AVL9: variants seen among roughly 807,000 people sequenced by gnomAD.
The protein encoded by AVL9 is AVL9 cell migration associated, also known as late secretory pathway protein AVL9 homolog.
In AVL9, 49 loss-of-function variants were observed where a neutral mutation model predicts 79.2. The ratio of observed to expected loss-of-function variants is 0.62; its 90% CI spans 0.49 to 0.79. The LOEUF is 0.79. Ranked by LOEUF, AVL9 falls within the 30% of genes least tolerant of loss-of-function variation. The pLI is 0.00. For missense variants in AVL9, 682 were observed against 776.8 expected (o/e 0.88, Z 1.45); for synonymous variants, 299 against 280.6 (o/e 1.07, Z -0.65).
chr7:32,583,698 T>G lies in AVL9; in HGVS notation c.1832-94T>G. The G allele has an allele frequency of 3.8e-6, 3 of 799,258 alleles. No homozygotes were observed. The South Asian group carries it at 6.0e-5, about 16-fold the overall frequency. The allele number at this position is 799,258 out of a possible 1,614,324, so 49.5% of individuals were successfully genotyped here. A position where few individuals can be genotyped will look rare whatever the true frequency, so the allele number is the denominator to read the frequency against. ...TGTCTCAAAAAACATTTTTTTAAAT[T>G]TTTAATTAAAAATGTATTAATTATG... On this transcript the variant is annotated intron_variant, in intron 15 of 15. Coordinates refer to ENST00000318709, the MANE Select transcript of AVL9 (RefSeq NM_015060.3).
At chr7:32,548,949 T>G in intron 4 of AVL9, 31 bp downstream of exon 4, 1 of 1,422,488 alleles carries the variant, frequency 7.0e-7, no homozygotes, top group Non-Finnish European at 9.5e-7. Flanking sequence ...TTCATTATGT[T>G]AAACCTTCAT....
intron 1 of AVL9, among the ~76,000 whole-genome samples, chr7:32,539,680 G>A (rs545332828): frequency 1.3e-5 from 2 of 152,246 alleles, no homozygotes; most frequent in Middle Eastern, 3.4e-3. Context: ...CACAAATGTA[G>A]TGCCTTAAAA....
chr7:32,534,193 ATTGTC>A (rs1788791874), intron 1 of AVL9: 2 of 152,090 alleles, frequency 1.3e-5, no homozygotes, highest in African/African-American at 4.8e-5. Flanking sequence ...GAAATCAGCT[ATTGTC>A]TTATTTTTCC....
At chr7:32,561,503 C>T (rs1379140728) in intron 10 of AVL9, among the ~76,000 whole-genome samples, 1 of 152,202 alleles carries the variant, frequency 6.6e-6, no homozygotes, top group Non-Finnish European at 1.5e-5. Context: ...GAGTTAAGGC[C>T]TTGCTCTAGA....
rs1446782467 is a variant in AVL9, at chr7:32,530,857, G to C, written c.94-12284G>C. ...TGTGGTCCTGGCTACTCAGGAGGCT[G>C]AGCCATGAAAATTGCTTGAACCCAG... On this transcript the variant is annotated intron_variant, in intron 1 of 15. Coordinates refer to ENST00000318709, the MANE Select transcript of AVL9 (RefSeq NM_015060.3). 2.0e-5 allele frequency among the ~76,000 whole-genome samples: 3 copies of C among 152,194 alleles called. No individual in the cohort carries two copies. The East Asian group carries it at 5.8e-4, about 29-fold the overall frequency.
At chr7:32,561,893 G>A (rs1790348116) in intron 10 of AVL9, among the ~76,000 whole-genome samples, 1 of 152,300 alleles carries the variant, frequency 6.6e-6, no homozygotes, top group African/African-American at 2.4e-5. Context: ...TTTAAATATT[G>A]CTGCATCTCA....
chr7:32,572,331 T>C (rs1790888504), intron 11 of AVL9, among the ~76,000 whole-genome samples: 1 of 151,370 alleles, frequency 6.6e-6, no homozygotes, highest in Admixed American at 6.6e-5. Flanking sequence ...TATATACATT[T>C]TCCAAGACAG....
chr7:32,546,571 C>T (rs1428685198), intron 3 of AVL9, among the ~76,000 whole-genome samples: 1 of 152,144 alleles, frequency 6.6e-6, no homozygotes, highest in Non-Finnish European at 1.5e-5. Context: ...ACCTGTAATC[C>T]TAGCACTTTG....
At chr7:32,507,827 C>G (rs10238940) in intron 1 of AVL9, among the ~76,000 whole-genome samples, 1 of 151,962 alleles carries the variant, frequency 6.6e-6, no homozygotes, top group Admixed American at 6.6e-5. Context: ...AATTGTTTTC[C>G]GAAACAGTGG....
At chr7:32,564,643 T>A (rs1790475484) in intron 10 of AVL9, among the ~76,000 whole-genome samples, 1 of 152,210 alleles carries the variant, frequency 6.6e-6, no homozygotes, top group South Asian at 2.1e-4. Context: ...TGCCTGAGGT[T>A]GATGCCTTTC....
intron 4 of AVL9, among the ~76,000 whole-genome samples, chr7:32,550,589 A>G (rs901290847): frequency 4.6e-5 from 7 of 152,334 alleles, no homozygotes; most frequent in Admixed American, 4.6e-4. Context: ...ATTAGAGTAT[A>G]TATACATCAT....
chr7:32,497,886 C>T lies in AVL9; in HGVS notation c.93+2084C>T, dbSNP rs149332810. On this transcript the variant is annotated intron_variant, in intron 1 of 15. Coordinates refer to ENST00000318709, the MANE Select transcript of AVL9 (RefSeq NM_015060.3). ...CAGGATGGTCTCGATCTCCTTACCTCGTGATCCGCCCGCCTCGGCCTCCCA... is the reference window on the plus strand; with the variant it reads ...CAGGATGGTCTCGATCTCCTTACCTTGTGATCCGCCCGCCTCGGCCTCCCA... 1.9e-4 allele frequency among the ~76,000 whole-genome samples: 29 copies of T among 152,212 alleles called. 1 individual carries two copies. Among genetic ancestry groups the T allele is most frequent in the African/African-American group, 7.0e-4 (29 of 41,546 alleles).
At chr7:32,553,604 GA>G (rs1789929734) in intron 6 of AVL9, 122 bp from the exon 7 acceptor site, 1 of 671,920 alleles carries the variant, frequency 1.5e-6, no homozygotes. Flanking sequence ...GAAATATTTG[GA>G]TATTTGCATA....
rs372988758 is a variant in AVL9 at position 32,580,324 on chromosome 7, A to T, written c.1742+52A>T. The T allele has an allele frequency of 5.5e-5, 77 of 1,393,536 alleles. No homozygotes were observed. In the African/African-American group the frequency reaches 9.9e-4, roughly 18 times the overall value. 86.3% of individuals were successfully genotyped at this position (1,393,536 alleles called of 1,614,324 possible). A position where few individuals can be genotyped will look rare whatever the true frequency, so the allele number is the denominator to read the frequency against. On this transcript the variant is annotated intron_variant, in intron 14 of 15. Coordinates refer to ENST00000318709, the MANE Select transcript of AVL9 (RefSeq NM_015060.3). ...AAATTCTTAAGTCTGAATTTATGCC[A>T]TGTGTTTCATTGCTAATTGGGAATT...
intron 1 of AVL9, among the ~76,000 whole-genome samples, chr7:32,513,519 T>A (rs1409088312): frequency 2.0e-5 from 3 of 152,254 alleles, no homozygotes; most frequent in Admixed American, 6.5e-5. Context: ...TATGTTTAAG[T>A]GTACCTATGA....
In AVL9 at chr7:32,523,150, C is replaced by CA. The variant is rs59565422; in HGVS notation, c.94-19969dup. Among the ~76,000 whole-genome samples, 294 of 81,244 alleles carry CA rather than the reference C, an allele frequency of 3.6e-3. 1 individual carries two copies. The highest frequency in any genetic ancestry group is 0.013 in the African/African-American group (281 of 21,206). 53.3% of individuals were successfully genotyped at this position (81,244 alleles called of 152,430 possible). The stretch of plus-strand genomic sequence containing the variant: ...TTAATAAAACATTGGGGTAATTAAC[C>CA]AAAAAAAAAAAAAAAAAAAAAAGGA... On this transcript the variant is annotated intron_variant, in intron 1 of 15. Transcript: ENST00000318709.
chr7:32,529,026 T>G (rs899928621), intron 1 of AVL9, among the ~76,000 whole-genome samples: 3 of 152,072 alleles, frequency 2.0e-5, no homozygotes, highest in Non-Finnish European at 4.4e-5. Context: ...CAAAAAAATG[T>G]TTATCATATA....
chr7:32,553,411 T>A (rs1789920025), intron 6 of AVL9, among the ~76,000 whole-genome samples: 1 of 152,190 alleles, frequency 6.6e-6, no homozygotes, highest in Non-Finnish European at 1.5e-5. Context: ...TACATTTAGA[T>A]TAAAATTAAT....
intron 11 of AVL9, 77 bp from the exon 12 acceptor site, chr7:32,573,122 C>T (rs1790932896): frequency 7.1e-6 from 8 of 1,127,262 alleles, no homozygotes; most frequent in South Asian, 1.3e-5. Context: ...CCACCTTCCC[C>T]GTAGTTACTC....
Sources: allele counts gnomAD v4.1 joint callset (sites outside exome capture counted in the v4.1 genomes callset), GRCh38; gene constraint gnomAD v4.1.1; transcripts MANE v1.5; gene names NCBI Gene and HGNC (gene_info 2026-07-23, HGNC 2026-07-21).